Variants in PDE1B observed in about 807,000 individuals in gnomAD.
PDE1B encodes phosphodiesterase 1B.
Under a neutral mutation model 66.7 loss-of-function variants are expected in PDE1B, and 13 were observed. The observed-to-expected ratio is 0.19, with a 90% CI of 0.13 to 0.31. The LOEUF (loss-of-function observed/expected upper bound fraction) is 0.31. Ranked by LOEUF, PDE1B falls within the 10% of genes least tolerant of loss-of-function variation. PDE1B has a pLI of 1.00. For synonymous variants in PDE1B, 230 were observed against 253.9 expected, an observed-to-expected ratio of 0.91 and a Z score of 0.90; for missense variants, 485 against 682.3, an observed-to-expected ratio of 0.71 and a Z score of 3.22.
In PDE1B at chr12:54,577,915, TC is replaced by T. The variant is rs1565708619; in HGVS notation, c.*78del. The T allele has an allele frequency of 5.7e-6, 1 of 176,548 alleles. No homozygotes were observed. The highest frequency in any genetic ancestry group is 2.3e-5 in the African/African-American group (1 of 42,578). 10.9% of individuals were successfully genotyped at this position (176,548 alleles called of 1,614,324 possible). On this transcript the variant is annotated 3_prime_UTR_variant, in exon 16 of 16. Coordinates refer to ENST00000243052, the MANE Select transcript of PDE1B (RefSeq NM_000924.4). ...ATCAGCACCATCCATCAGGACTGGC[TC>T]CCCCATCTGCTCCAAGGGAGCGTGG...
At chr12:54,564,214 C>T (rs1259139554) in intron 2 of PDE1B, among the ~76,000 whole-genome samples, 3 of 152,046 alleles carry the variant, frequency 2.0e-5, no homozygotes, top group Non-Finnish European at 2.9e-5. Context: ...CCTGGCAGGA[C>T]CTTCTCTTAT....
intron 2 of PDE1B, chr12:54,561,541 G>A (rs1957411010): frequency 6.8e-7 from 1 of 1,476,388 alleles, no homozygotes; most frequent in Non-Finnish European, 9.0e-7. Flanking sequence ...TGGGGCTCCT[G>A]GGGTCAGGAT....
chr12:54,568,747 G>A (rs1957563276), intron 3 of PDE1B, among the ~76,000 whole-genome samples: 1 of 151,952 alleles, frequency 6.6e-6, no homozygotes, highest in Admixed American at 6.6e-5. Context: ...AGTGAGCCAA[G>A]ATCGCGCCAT....
intron 2 of PDE1B, among the ~76,000 whole-genome samples, chr12:54,550,634 G>C (rs1464163372): frequency 6.6e-6 from 1 of 152,206 alleles, no homozygotes; most frequent in Non-Finnish European, 1.5e-5. Flanking sequence ...CCCCCACCTG[G>C]AAGCTGAAGG....
Position 54,567,080 on chromosome 12 carries a change from G to A in PDE1B, c.220G>A (p.Glu74Lys), listed in dbSNP as rs1353162569. ...ASLLEAVYID[E>K]TRQILDTEDE... ...TCTGCTGGAAGCCGTCTACATAGAT[G>A]AGACACGGTGAGAGAGACCGACAGA... Residue 74 changes from glutamate (E) to lysine (K), a missense_variant, in exon 3 of 16, where the codon GAG becomes AAG. Glu to Lys is a moderately conservative substitution (Grantham distance 56, BLOSUM62 1). Around this residue, in one of 4 missense-constraint regions of PDE1B, gnomAD observed 282 missense variants for 453.4 expected, o/e 0.62. Transcript: ENST00000243052. 7 of 1,522,446 alleles carry A rather than the reference G, an allele frequency of 4.6e-6. No homozygotes were observed. In the Admixed American group the frequency reaches 8.5e-5, roughly 19 times the overall value. The allele number at this position is 1,522,446 out of a possible 1,614,324, so 94.3% of individuals were successfully genotyped here. A position where few individuals can be genotyped will look rare whatever the true frequency, so the allele number is the denominator to read the frequency against.
chr12:54,575,916 C>T lies in PDE1B; in HGVS notation c.1268-76C>T. The T allele has an allele frequency of 2.7e-6, 3 of 1,102,966 alleles. No individual in the cohort carries two copies. Among genetic ancestry groups the T allele is most frequent in the South Asian group, 1.2e-5 (1 of 80,674 alleles). 68.3% of individuals were successfully genotyped at this position (1,102,966 alleles called of 1,614,324 possible). A position where few individuals can be genotyped will look rare whatever the true frequency, so the allele number is the denominator to read the frequency against. On this transcript the variant is annotated intron_variant, in intron 12 of 15. Coordinates refer to ENST00000243052, the MANE Select transcript of PDE1B (RefSeq NM_000924.4). The surrounding 1 kb of genome is among the most constrained non-coding windows in gnomAD (Gnocchi z 4.0). Reference sequence around the variant, plus strand: ...TTTCATAAGCAGCCAGGGGTCCTGGCCATGCCAGCTGCATGCTCTGCCTAG... The same window carrying T: ...TTTCATAAGCAGCCAGGGGTCCTGGTCATGCCAGCTGCATGCTCTGCCTAG...
At chr12:54,572,471 C>T in intron 6 of PDE1B, 130 bp from the exon 7 acceptor site, 1 of 852,578 alleles carries the variant, frequency 1.2e-6, no homozygotes. Context: ...GAGCCAGGTT[C>T]ACCTAACTAG....
rs1339648074 is a variant in PDE1B at position 54,579,124 on chromosome 12, C to G, written c.*1282C>G. On this transcript the variant is annotated 3_prime_UTR_variant, in exon 16 of 16. Coordinates refer to ENST00000243052, the MANE Select transcript of PDE1B (RefSeq NM_000924.4). ...TCCATGGTCTCCTAGACCTGCTACC[C>G]TGGTACTTCCACCCTACCCCACCCC... The G allele has an allele frequency of 1.2e-5, 4 of 345,796 alleles. No individual in the cohort carries two copies. Among genetic ancestry groups the G allele is most frequent in the Non-Finnish European group, 1.6e-5 (4 of 245,554 alleles). The allele number at this position is 345,796 out of a possible 1,614,324, so 21.4% of individuals were successfully genotyped here.
In PDE1B at chr12:54,575,867, GC is replaced by G; in HGVS notation, c.1268-121del. 2.5e-6 allele frequency: 2 copies of G among 810,222 alleles called. No homozygotes were observed. Among genetic ancestry groups the G allele is most frequent in the Non-Finnish European group, 2.1e-6 (1 of 472,296 alleles). The allele number at this position is 810,222 out of a possible 1,614,324, so 50.2% of individuals were successfully genotyped here. A position where few individuals can be genotyped will look rare whatever the true frequency, so the allele number is the denominator to read the frequency against. ...CCTGCCCTGCATTGGGAAGTTTTCA[GC>G]CCCAGGTTACCTCTCCATCCTCTTT... On this transcript the variant is annotated intron_variant, in intron 12 of 15. Coordinates refer to ENST00000243052, the MANE Select transcript of PDE1B (RefSeq NM_000924.4). This position sits in a 1 kb window ranked among gnomAD's most constrained non-coding sequence, Gnocchi z 4.0.
Position 54,549,613 on chromosome 12 carries a change from C to A in PDE1B, c.-173C>A. 2.2e-6 allele frequency: 1 copy of A among 455,356 alleles called. No homozygotes were observed. The highest frequency in any genetic ancestry group is 3.9e-6 in the Non-Finnish European group (1 of 257,002). 28.2% of individuals were successfully genotyped at this position (455,356 alleles called of 1,614,324 possible). On this transcript the variant is annotated 5_prime_UTR_variant, in exon 1 of 16. Transcript: ENST00000243052. ...AGGCGGCTCTGGCAGCGCGCGGCGG[C>A]GGCGGCGGTAGCGGCAGCAGCAGCG...
intron 2 of PDE1B, among the ~76,000 whole-genome samples, chr12:54,566,486 C>T (rs1957518272): frequency 6.6e-6 from 1 of 152,186 alleles, no homozygotes; most frequent in African/African-American, 2.4e-5. Context: ...TAACCCCCAC[C>T]CCCCACACCA....
intron 3 of PDE1B, among the ~76,000 whole-genome samples, chr12:54,567,602 T>C (rs927436923): frequency 3.3e-5 from 5 of 151,708 alleles, no homozygotes; most frequent in Non-Finnish European, 5.9e-5. Context: ...GAGGCAGACA[T>C]AGAGATGCAG....
chr12:54,549,810 G>C (rs1479316057), intron 1 of PDE1B, 38 bp downstream of exon 1: 2 of 1,332,568 alleles, frequency 1.5e-6, no homozygotes, highest in African/African-American at 2.9e-5. Context: ...GGGTCTCTCG[G>C]CTGGGGCTGA....
Position 54,576,656 on chromosome 12 carries a change from C to T in PDE1B, c.1462C>T (p.Arg488Cys), listed in dbSNP as rs750136363. 23 of 1,613,430 alleles carry T rather than the reference C, an allele frequency of 1.4e-5. No homozygotes were observed. The highest frequency in any genetic ancestry group is 1.8e-5 in the Non-Finnish European group (21 of 1,179,788). Residue 488 changes from arginine (R) to cysteine (C), a missense_variant, in exon 14 of 16, where the codon CGC (arginine) becomes TGC (cysteine). Coordinates refer to ENST00000243052, the MANE Select transcript of PDE1B (RefSeq NM_000924.4). ...CAGCTTTCGTTCCACCTGGGTCAAG[C>T]GCATTCAGGAGAATAAGCAGAAATG... ...VVSFRSTWVK[R>C]IQENKQKWKE...
At chr12:54,576,147 G>C in intron 13 of PDE1B, 47 bp downstream of exon 13, 1 of 1,158,830 alleles carries the variant, frequency 8.6e-7, no homozygotes, top group Non-Finnish European at 1.3e-6. Context: ...GGAAGGCAGT[G>C]GTAGGGAGGG....
chr12:54,561,364 C>T (rs1402577317), intron 2 of PDE1B: 4 of 761,764 alleles, frequency 5.3e-6, no homozygotes, highest in Non-Finnish European at 7.2e-6. Flanking sequence ...TTTCCCGCAG[C>T]CTCCCCTCTC....
chr12:54,552,457 CA>C (rs1957291452), intron 2 of PDE1B, among the ~76,000 whole-genome samples: 1 of 152,200 alleles, frequency 6.6e-6, no homozygotes, highest in East Asian at 1.9e-4. Flanking sequence ...TTCTTCTACT[CA>C]ACACATCCTA....
At chr12:54,550,623 GC>G (rs1160796236) in intron 2 of PDE1B, among the ~76,000 whole-genome samples, 1 of 151,794 alleles carries the variant, frequency 6.6e-6, no homozygotes, top group African/African-American at 2.4e-5. Flanking sequence ...GGGGGTTGGA[GC>G]CCCCACCTGG....
chr12:54,552,292 G>A (rs1957289286), intron 2 of PDE1B, among the ~76,000 whole-genome samples: 1 of 152,186 alleles, frequency 6.6e-6, no homozygotes, highest in Non-Finnish European at 1.5e-5. Context: ...CTTTTAAGTG[G>A]AAATAAAGAT....
Sources: allele counts gnomAD v4.1 joint callset (sites outside exome capture counted in the v4.1 genomes callset), GRCh38; gene constraint gnomAD v4.1.1; regional missense constraint gnomAD v4.1.1; non-coding constraint Gnocchi (gnomAD v3.1); transcripts MANE v1.5; gene names NCBI Gene and HGNC (gene_info 2026-07-23, HGNC 2026-07-21).